The following RNGTT variants were observed in gnomAD, a reference collection of about 807,000 sequenced individuals.
RNGTT encodes mRNA-capping enzyme.
In RNGTT, 33 loss-of-function variants were observed where a neutral mutation model predicts 79.3. The observed-to-expected ratio is 0.42, with a 90% CI of 0.32 to 0.56. The LOEUF is 0.56. Ranked by LOEUF, RNGTT falls within the 20% of genes least tolerant of loss-of-function variation. The pLI is 0.17. For synonymous variants in RNGTT, 222 were observed against 235.9 expected (o/e 0.94, Z 0.54); for missense variants, 497 against 739.1 (o/e 0.67, Z 3.80).
intron 13 of RNGTT, among the ~76,000 whole-genome samples, chr6:88,766,277 AAAT>A (rs1778458486): frequency 1.3e-5 from 2 of 152,112 alleles, no homozygotes; most frequent in Non-Finnish European, 2.9e-5. Flanking sequence ...TATTCTATAC[AAAT>A]AATAAGTTTA....
chr6:88,895,229 CTGTGTGTGTGTGTGTGTG>C (rs5878081), intron 6 of RNGTT, among the ~76,000 whole-genome samples: 14 of 145,108 alleles, frequency 9.6e-5, no homozygotes, highest in Non-Finnish European at 6.0e-5. Flanking sequence ...AGAGAGAGCT[CTGTGTGTGTGTGTGTGTG>C]TGTGTGTGTG....
At chr6:88,773,516 GA>G (rs1778771253) in intron 12 of RNGTT, among the ~76,000 whole-genome samples, 1 of 147,570 alleles carries the variant, frequency 6.8e-6, no homozygotes, top group African/African-American at 2.5e-5. Flanking sequence ...AAAAAATCTT[GA>G]AAAAAGAAAA....
chr6:88,751,552 A>G (rs375499664), intron 13 of RNGTT, among the ~76,000 whole-genome samples: 3 of 152,126 alleles, frequency 2.0e-5, no homozygotes, highest in African/African-American at 7.2e-5. Flanking sequence ...ATGACTGAAA[A>G]CATGTTTCTG....
At chr6:88,760,940 G>A (rs561629784) in intron 13 of RNGTT, among the ~76,000 whole-genome samples, 2 of 149,582 alleles carry the variant, frequency 1.3e-5, no homozygotes, top group Middle Eastern at 3.5e-3. Context: ...AACTCCTAGG[G>A]CTCAAGCAAT....
intron 14 of RNGTT, among the ~76,000 whole-genome samples, chr6:88,666,701 T>C (rs1354805095): frequency 6.6e-6 from 1 of 152,162 alleles, no homozygotes; most frequent in Non-Finnish European, 1.5e-5. Flanking sequence ...GACTGGGAGC[T>C]GTATGTGGAC....
chr6:88,935,561 T>A (rs1784640381), intron 2 of RNGTT, among the ~76,000 whole-genome samples: 4 of 152,190 alleles, frequency 2.6e-5, no homozygotes, highest in Admixed American at 1.3e-4. Context: ...AAAAAGTTTT[T>A]TTTAATAAAA....
At chr6:88,703,176 T>G (rs1201848111) in intron 13 of RNGTT, among the ~76,000 whole-genome samples, 4 of 152,190 alleles carry the variant, frequency 2.6e-5, no homozygotes, top group Admixed American at 2.6e-4. Context: ...GAACTACCAT[T>G]TGATCCAGCA....
chr6:88,762,505 A>T (rs1291615272), intron 13 of RNGTT, among the ~76,000 whole-genome samples: 2 of 152,176 alleles, frequency 1.3e-5, no homozygotes, highest in Non-Finnish European at 2.9e-5. Context: ...GTAGCCTCTA[A>T]AATCTTATAT....
chr6:88,769,759 A>AT lies in RNGTT; in HGVS notation c.1439+14_1439+15insA. On this transcript the variant is annotated intron_variant, in intron 13 of 15. Coordinates refer to ENST00000369485, the MANE Select transcript of RNGTT (RefSeq NM_003800.5). The stretch of plus-strand genomic sequence containing the variant: ...AGTATTATTTCATGCAAAAAGTACA[A>AT]AAGTGCATACTTACCCTTCTCCTCC... 6.5e-7 allele frequency: 1 copy of AT among 1,531,232 alleles called. No homozygotes were observed. Among genetic ancestry groups the AT allele is most frequent in the Non-Finnish European group, 9.0e-7 (1 of 1,106,478 alleles). The allele number at this position is 1,531,232 out of a possible 1,614,324, so 94.9% of individuals were successfully genotyped here.
chr6:88,959,905 T>A (rs974750640), intron 1 of RNGTT, among the ~76,000 whole-genome samples: 3 of 152,218 alleles, frequency 2.0e-5, no homozygotes, highest in African/African-American at 7.2e-5. Context: ...TTCAGTCTAT[T>A]ATCTCTCCCA....
At chr6:88,942,101 A>G (rs1316298275) in intron 1 of RNGTT, among the ~76,000 whole-genome samples, 1 of 151,298 alleles carries the variant, frequency 6.6e-6, no homozygotes, top group Admixed American at 6.6e-5. Flanking sequence ...CTGGGATTAT[A>G]TGCCCTATAT....
intron 12 of RNGTT, among the ~76,000 whole-genome samples, chr6:88,789,246 C>T (rs964478877): frequency 6.6e-6 from 1 of 152,038 alleles, no homozygotes; most frequent in African/African-American, 2.4e-5. Context: ...ATGGGGAAAC[C>T]CCATCGCTAC....
rs545705736 is a variant in RNGTT, at chr6:88,719,268, C to T, written c.1440-40849G>A. The stretch of plus-strand genomic sequence containing the variant: ...TTTGGCTTTCCCTTCACTTAGCTTC[C>T]GTGAAACTTTTCTGACTGCCTCGAA... On this transcript the variant is annotated intron_variant, in intron 13 of 15. Coordinates refer to ENST00000369485, the MANE Select transcript of RNGTT (RefSeq NM_003800.5). Among the ~76,000 whole-genome samples, 167 of 152,300 alleles carry T rather than the reference C, an allele frequency of 1.1e-3. 1 individual carries two copies. Among genetic ancestry groups the T allele is most frequent in the African/African-American group, 3.6e-3 (150 of 41,564 alleles).
chr6:88,770,485 CT>C (rs1230488456), intron 12 of RNGTT, among the ~76,000 whole-genome samples: 1 of 152,108 alleles, frequency 6.6e-6, no homozygotes, highest in Non-Finnish European at 1.5e-5. Flanking sequence ...TAGTATGTTC[CT>C]TTTCATTGCT....
At chr6:88,952,854 G>A (rs1284117440) in intron 1 of RNGTT, among the ~76,000 whole-genome samples, 1 of 152,130 alleles carries the variant, frequency 6.6e-6, no homozygotes, top group East Asian at 1.9e-4. Flanking sequence ...ACTAGAACCA[G>A]AAGAGCAATA....
chr6:88,643,782 T>C (rs1773418879), intron 14 of RNGTT, among the ~76,000 whole-genome samples: 1 of 152,122 alleles, frequency 6.6e-6, no homozygotes, highest in African/African-American at 2.4e-5. Context: ...AAGGCAGAAA[T>C]AAAGATGTTC....
chr6:88,615,499 C>G (rs1772184468), intron 14 of RNGTT, among the ~76,000 whole-genome samples: 1 of 152,064 alleles, frequency 6.6e-6, no homozygotes, highest in East Asian at 1.9e-4. Context: ...TAGACATGCC[C>G]AAAAAAGTGA....
At chr6:88,625,424 A>G (rs1772590363) in intron 14 of RNGTT, among the ~76,000 whole-genome samples, 1 of 152,068 alleles carries the variant, frequency 6.6e-6, no homozygotes, top group Non-Finnish European at 1.5e-5. Flanking sequence ...ATTGATAAAT[A>G]CAACAATATG....
chr6:88,952,210 A>G (rs1389949870), intron 1 of RNGTT, among the ~76,000 whole-genome samples: 1 of 152,084 alleles, frequency 6.6e-6, no homozygotes, highest in Non-Finnish European at 1.5e-5. Flanking sequence ...TCCTCTCTGG[A>G]ACATAACCTG....
Sources: gnomAD v4.1 joint callset for allele counts (sites outside exome capture counted in the v4.1 genomes callset) on GRCh38, gnomAD v4.1.1 for gene constraint, MANE v1.5 for transcripts, NCBI Gene and HGNC (gene_info 2026-07-23, HGNC 2026-07-21) for gene names.